Variants in ESYT2 observed in about 807,000 individuals in gnomAD.
The protein encoded by ESYT2 is extended synaptotagmin-2.
ESYT2 carries 54 observed loss-of-function variants against 107.2 expected under a neutral mutation model. The observed-to-expected ratio is 0.50, with a 90% CI of 0.40 to 0.63. The LOEUF (loss-of-function observed/expected upper bound fraction) is 0.63. Among genes scored for constraint, ESYT2 ranks in the 30% least tolerant of loss-of-function variants. The probability of loss-of-function intolerance (pLI) is 0.00; values close to 1 mark genes in which losing one functional copy is unlikely to be tolerated. For synonymous variants in ESYT2, 491 were observed against 434.1 expected (o/e 1.13, Z -1.63); for missense variants, 1,020 against 1,094.5 (o/e 0.93, Z 0.96).
chr7:158,812,252 C>G (rs143660981), intron 1 of ESYT2, among the ~76,000 whole-genome samples: 1,551 of 152,286 alleles, frequency 0.01, 18 homozygotes, highest in Middle Eastern at 0.027. Context: ...GCCACTTCGC[C>G]GAGACTGCTA....
intron 14 of ESYT2, among the ~76,000 whole-genome samples, chr7:158,750,484 A>G (rs1837547356): frequency 6.6e-6 from 1 of 152,174 alleles, no homozygotes; most frequent in African/African-American, 2.4e-5. Flanking sequence ...AGGTCACAAA[A>G]ATGTTTTTGA....
intron 6 of ESYT2, among the ~76,000 whole-genome samples, chr7:158,782,508 C>T (rs1437641360): frequency 8.0e-6 from 1 of 125,180 alleles, no homozygotes; most frequent in Non-Finnish European, 1.7e-5. Flanking sequence ...CAAGTGAGAA[C>T]AAGTGTGAGT....
rs907074664 is a variant in ESYT2, at chr7:158,806,098, C to T, written c.331-7026G>A. On this transcript the variant is annotated intron_variant, in intron 1 of 22. Coordinates refer to ENST00000275418, the MANE Select transcript of ESYT2 (RefSeq NM_001367773.1). ...CCGCGTGGGAGGCGCCGGGGCACAC[C>T]GCGTGGGAGGCGCCGGGGCACACCG... 4.7e-3 allele frequency among the ~76,000 whole-genome samples: 710 copies of T among 151,722 alleles called. 5 individuals carry two copies. The highest frequency in any genetic ancestry group is 0.014 in the African/African-American group (584 of 41,310).
At chr7:158,776,248 C>T (rs147195851) in intron 6 of ESYT2, among the ~76,000 whole-genome samples, 6 of 152,172 alleles carry the variant, frequency 3.9e-5, no homozygotes, top group African/African-American at 1.2e-4. Flanking sequence ...GAAATGAGTG[C>T]TTACTTCAAC....
intron 18 of ESYT2, among the ~76,000 whole-genome samples, chr7:158,739,891 A>G (rs916280404): frequency 6.6e-6 from 1 of 151,536 alleles, no homozygotes; most frequent in Non-Finnish European, 1.5e-5. Flanking sequence ...GCAGTAAGAT[A>G]CCAAGCTACA....
rs1839380741 is a variant in ESYT2, at chr7:158,793,856, C to A, written c.508-130G>T. The A allele has an allele frequency of 4.1e-6, 3 of 737,666 alleles. No individual in the cohort carries two copies. The South Asian group carries it at 5.5e-5, about 13-fold the overall frequency. 45.7% of individuals were successfully genotyped at this position (737,666 alleles called of 1,614,324 possible). ...ACAACAGGAATTAAAATTCTGCCTT[C>A]ATAACAGAGTGTGGCTTGATTTTCA... On this transcript the variant is annotated intron_variant, in intron 3 of 22. Coordinates refer to ENST00000275418, the MANE Select transcript of ESYT2 (RefSeq NM_001367773.1).
chr7:158,794,039 G>A (rs897244221), intron 3 of ESYT2, among the ~76,000 whole-genome samples: 1 of 152,220 alleles, frequency 6.6e-6, no homozygotes, highest in African/African-American at 2.4e-5. Flanking sequence ...TATGATTGCT[G>A]TTGTCAGCAC....
intron 1 of ESYT2, among the ~76,000 whole-genome samples, chr7:158,819,014 C>A (rs1205595283): frequency 6.6e-6 from 1 of 152,222 alleles, no homozygotes; most frequent in African/African-American, 2.4e-5. Flanking sequence ...CTCAAAGTAG[C>A]CATTACTCAA....
intron 22 of ESYT2, 48 bp from the exon 23 acceptor site, chr7:158,734,300 A>G: frequency 6.2e-7 from 1 of 1,613,656 alleles, no homozygotes; most frequent in Non-Finnish European, 8.5e-7. Context: ...AGGACCAAGT[A>G]GGAAAAGCCT....
intron 6 of ESYT2, among the ~76,000 whole-genome samples, chr7:158,777,896 G>A (rs1838626210): frequency 6.6e-6 from 1 of 152,162 alleles, no homozygotes; most frequent in South Asian, 2.1e-4. Flanking sequence ...GCCGAAACAT[G>A]ACACAGAGCC....
At chr7:158,737,698 A>C (rs1484935962) in intron 19 of ESYT2, among the ~76,000 whole-genome samples, 3 of 152,202 alleles carry the variant, frequency 2.0e-5, no homozygotes, top group Non-Finnish European at 1.5e-5. Context: ...TCATTATCTA[A>C]GTGGCAAGAA....
intron 18 of ESYT2, among the ~76,000 whole-genome samples, chr7:158,740,671 T>C (rs1324683277): frequency 6.6e-6 from 1 of 152,168 alleles, no homozygotes; most frequent in Non-Finnish European, 1.5e-5. Flanking sequence ...AGAAAAAGTG[T>C]TTCCTTGTTT....
At chr7:158,789,244 C>CT (rs1482932983) in intron 4 of ESYT2, among the ~76,000 whole-genome samples, 1 of 152,162 alleles carries the variant, frequency 6.6e-6, no homozygotes, top group Non-Finnish European at 1.5e-5. Flanking sequence ...AAGCCAATAC[C>CT]TACAGATTCC....
intron 1 of ESYT2, among the ~76,000 whole-genome samples, chr7:158,815,736 C>T (rs920750497): frequency 7.2e-5 from 11 of 152,102 alleles, no homozygotes; most frequent in African/African-American, 2.7e-4. Flanking sequence ...CCACATCCAA[C>T]CTCAGACACC....
At chr7:158,807,331 C>G (rs546486976) in intron 1 of ESYT2, among the ~76,000 whole-genome samples, 1 of 150,286 alleles carries the variant, frequency 6.7e-6, no homozygotes, top group African/African-American at 2.4e-5. Context: ...GAATTAACAT[C>G]GGACTTAAAA....
At chr7:158,804,344 TGAGGCGCGTGACAAACCCAAACC>T (rs1839747425) in intron 1 of ESYT2, among the ~76,000 whole-genome samples, 1 of 143,482 alleles carries the variant, frequency 7.0e-6, no homozygotes, top group East Asian at 2.1e-4. Flanking sequence ...CCGAGAAGGG[TGAGGCGCGTGACAAACCCAAACC>T]GTTGAGAAGG....
At chr7:158,823,137 C>G (rs1313885034) in intron 1 of ESYT2, among the ~76,000 whole-genome samples, 1 of 150,618 alleles carries the variant, frequency 6.6e-6, no homozygotes, top group Non-Finnish European at 1.5e-5. Context: ...CACTATAATA[C>G]AAAAGAAATT....
At chr7:158,779,623 T>C (rs1377056927) in intron 6 of ESYT2, among the ~76,000 whole-genome samples, 2 of 152,080 alleles carry the variant, frequency 1.3e-5, no homozygotes, top group East Asian at 1.9e-4. Flanking sequence ...TGGACCCACA[T>C]GGGAAGAAAC....
intron 16 of ESYT2, among the ~76,000 whole-genome samples, chr7:158,747,024 C>T (rs1837425315): frequency 6.6e-6 from 1 of 151,798 alleles, no homozygotes; most frequent in African/African-American, 2.4e-5. Context: ...TGCACTCCAG[C>T]CTGGGTAACA....
Sources: allele counts gnomAD v4.1 joint callset (sites outside exome capture counted in the v4.1 genomes callset), GRCh38; gene constraint gnomAD v4.1.1; transcripts MANE v1.5; gene names NCBI Gene and HGNC (gene_info 2026-07-23, HGNC 2026-07-21).